Variants in DNAJC3 observed in about 807,000 individuals in gnomAD.
DNAJC3 encodes the protein DnaJ heat shock protein family (Hsp40) member C3, also known as dnaJ homolog subfamily C member 3.
DNAJC3 carries 38 observed loss-of-function variants against 68.6 expected under a neutral mutation model. That is an observed-to-expected ratio of 0.55 (90% confidence interval 0.43 to 0.73). DNAJC3 has a LOEUF of 0.73. DNAJC3 is among the 30% of genes least tolerant of loss of function. The pLI is 0.00. For missense variants in DNAJC3, 526 were observed against 591.9 expected, an observed-to-expected ratio of 0.89 and a Z score of 1.16; for synonymous variants, 203 against 204.0, an observed-to-expected ratio of 1.00 and a Z score of 0.04.
intron 9 of DNAJC3, among the ~76,000 whole-genome samples, chr13:95,776,816 G>T (rs1184813894): frequency 3.3e-5 from 5 of 152,102 alleles, no homozygotes; most frequent in Non-Finnish European, 7.3e-5. Flanking sequence ...CAATTTATCA[G>T]TGGCTGATGT....
intron 4 of DNAJC3, among the ~76,000 whole-genome samples, chr13:95,736,939 A>G (rs1370561998): frequency 6.6e-6 from 1 of 150,716 alleles, no homozygotes; most frequent in Admixed American, 6.6e-5. Context: ...CCCATTCAGT[A>G]TGATATTGGC....
chr13:95,708,156 C>G (rs73550548), intron 1 of DNAJC3, among the ~76,000 whole-genome samples: 2,601 of 152,194 alleles, frequency 0.017, 80 homozygotes, highest in African/African-American at 0.06. Context: ...GTAAAATGCA[C>G]CAAGCAGAAC....
chr13:95,764,717 TAC>T (rs1283431216), intron 9 of DNAJC3, among the ~76,000 whole-genome samples: 1 of 133,764 alleles, frequency 7.5e-6, no homozygotes, highest in African/African-American at 3.0e-5. Flanking sequence ...CATATATATA[TAC>T]ACATATATAT....
intron 11 of DNAJC3, among the ~76,000 whole-genome samples, chr13:95,787,620 G>A (rs777765106): frequency 5.9e-5 from 9 of 151,986 alleles, no homozygotes; most frequent in Non-Finnish European, 1.0e-4. Context: ...GTGTTCACCA[G>A]GAATCTTGCC....
chr13:95,691,038 T>C (rs1406153694), intron 1 of DNAJC3, among the ~76,000 whole-genome samples: 1,159 of 111,076 alleles, frequency 0.01, 37 homozygotes, highest in African/African-American at 0.04. Context: ...ACCTCCCTCC[T>C]GGATGGAGCG....
intron 9 of DNAJC3, among the ~76,000 whole-genome samples, chr13:95,765,458 AAAGATGCATTTGG>A (rs1882964883): frequency 6.6e-6 from 1 of 151,932 alleles, no homozygotes; most frequent in South Asian, 2.1e-4. Flanking sequence ...GTGTAATTTG[AAAGATGCATTTGG>A]AACTTGAATG....
intron 9 of DNAJC3, among the ~76,000 whole-genome samples, chr13:95,771,398 GGA>G (rs1566510141): frequency 6.6e-6 from 1 of 152,158 alleles, no homozygotes; most frequent in African/African-American, 2.4e-5. Flanking sequence ...CTTGTACTGG[GGA>G]GAGAGATTGG....
intron 4 of DNAJC3, among the ~76,000 whole-genome samples, chr13:95,740,814 A>C (rs988659617): frequency 2.0e-5 from 3 of 152,216 alleles, no homozygotes; most frequent in African/African-American, 4.8e-5. Context: ...AGCTGTTCCT[A>C]TTCGGCCATC....
At chr13:95,764,792 T>C (rs1208195691) in intron 9 of DNAJC3, among the ~76,000 whole-genome samples, 1 of 147,222 alleles carries the variant, frequency 6.8e-6, no homozygotes, top group Non-Finnish European at 1.5e-5. Flanking sequence ...CCTTTTTTCA[T>C]GTGACACTAT....
chr13:95,757,880 A>G, intron 5 of DNAJC3, 84 bp downstream of exon 5: 1 of 1,368,132 alleles, frequency 7.3e-7, no homozygotes. Flanking sequence ...ACATACCACA[A>G]AGACCTAGAC....
intron 4 of DNAJC3, among the ~76,000 whole-genome samples, chr13:95,730,722 T>C (rs945646298): frequency 6.6e-6 from 1 of 152,250 alleles, no homozygotes; most frequent in Non-Finnish European, 1.5e-5. Flanking sequence ...AGCCTTGTAA[T>C]ATACTTTGAA....
rs940712873 is a variant in DNAJC3 at position 95,793,112 on chromosome 13, C to T, written c.*2082C>T. The T allele has an allele frequency of 2.0e-5, 3 of 152,140 alleles. No homozygotes were observed. The highest frequency in any genetic ancestry group is 4.4e-5 in the Non-Finnish European group (3 of 68,018). The allele number at this position is 152,140 out of a possible 1,614,324, so 9.4% of individuals were successfully genotyped here. On this transcript the variant is annotated 3_prime_UTR_variant, in exon 12 of 12. Coordinates refer to ENST00000602402, the MANE Select transcript of DNAJC3 (RefSeq NM_006260.5). Reference sequence around the variant, plus strand: ...ATAGTTTCAGCTCCTAAATTCTTATCATGGATTTACTTAGTCATCTTAACT... The same window carrying T: ...ATAGTTTCAGCTCCTAAATTCTTATTATGGATTTACTTAGTCATCTTAACT...
At chr13:95,762,860 T>C (rs1422463114) in intron 7 of DNAJC3, among the ~76,000 whole-genome samples, 1 of 152,136 alleles carries the variant, frequency 6.6e-6, no homozygotes, top group Non-Finnish European at 1.5e-5. Flanking sequence ...TGAGTGAGAA[T>C]ATGCAGTGCT....
intron 11 of DNAJC3, 110 bp downstream of exon 11, chr13:95,787,265 G>C: frequency 7.2e-7 from 1 of 1,380,094 alleles, no homozygotes; most frequent in South Asian, 1.6e-5. Context: ...GACGGGTCCT[G>C]AGCCCAGTTC....
intron 1 of DNAJC3, among the ~76,000 whole-genome samples, chr13:95,692,072 AAG>A (rs893517483): frequency 6.8e-6 from 1 of 146,562 alleles, no homozygotes; most frequent in African/African-American, 2.7e-5. Context: ...AGACCGTGGA[AAG>A]AGAGGGAGAG....
At chr13:95,698,221 A>G (rs371535844) in intron 1 of DNAJC3, among the ~76,000 whole-genome samples, 6 of 152,012 alleles carry the variant, frequency 3.9e-5, no homozygotes, top group Middle Eastern at 3.4e-3. Flanking sequence ...TTTGTTGTGC[A>G]ATTCAACCTA....
chr13:95,737,558 A>T (rs544245968), intron 4 of DNAJC3, among the ~76,000 whole-genome samples: 8 of 152,060 alleles, frequency 5.3e-5, no homozygotes, highest in Middle Eastern at 3.4e-3. Context: ...GAGAGAGTGT[A>T]TGTGTCCAGG....
chr13:95,785,115 C>T (rs148013338), intron 9 of DNAJC3, among the ~76,000 whole-genome samples: 80 of 152,146 alleles, frequency 5.3e-4, no homozygotes, highest in African/African-American at 1.9e-3. Flanking sequence ...TGGACAGTTC[C>T]TTCTGTTCCC....
chr13:95,753,230 T>C (rs956555299), intron 4 of DNAJC3, among the ~76,000 whole-genome samples: 2 of 152,322 alleles, frequency 1.3e-5, no homozygotes, highest in East Asian at 3.9e-4. Flanking sequence ...TTTAACAAGG[T>C]AATCAAAACA....
Sources: gnomAD v4.1 joint callset for allele counts (sites outside exome capture counted in the v4.1 genomes callset) on GRCh38, gnomAD v4.1.1 for gene constraint, MANE v1.5 for transcripts, NCBI Gene and HGNC (gene_info 2026-07-23, HGNC 2026-07-21) for gene names.